The following PLCL1 variants were observed in gnomAD, a reference collection of about 807,000 sequenced individuals.
PLCL1 encodes phospholipase C like 1 (inactive), also known as inactive phospholipase C-like protein 1.
In PLCL1, 41 loss-of-function variants were observed where a neutral mutation model predicts 84.4. The observed-to-expected ratio is 0.49, with a 90% CI of 0.38 to 0.63. The LOEUF is 0.63. PLCL1 is among the 30% of genes least tolerant of loss of function. PLCL1 has a pLI of 0.00. For missense variants in PLCL1, 1,206 were observed against 1,367.8 expected, an observed-to-expected ratio of 0.88 and a Z score of 1.87; for synonymous variants, 490 against 488.3, an observed-to-expected ratio of 1.00 and a Z score of -0.05.
chr2:198,108,064 A>T (rs1049466933), intron 5 of PLCL1, among the ~76,000 whole-genome samples: 15 of 151,962 alleles, frequency 9.9e-5, no homozygotes, highest in Middle Eastern at 3.4e-3. Flanking sequence ...TTTCTATACG[A>T]TTCTTCCTTT....
In PLCL1 at chr2:198,104,072, G is replaced by A. The variant is rs866608569; in HGVS notation, c.3105+136G>A. 21 of 486,176 alleles carry A rather than the reference G, an allele frequency of 4.3e-5. No homozygotes were observed. The Middle Eastern group carries it at 4.5e-3, about 104-fold the overall frequency. The allele number at this position is 486,176 out of a possible 1,614,324, so 30.1% of individuals were successfully genotyped here. On this transcript the variant is annotated intron_variant, in intron 5 of 5. Transcript: ENST00000428675. ...TCACTTTAGATTCAGGGTTACATGT[G>A]CAGGTTTGTTATATAGGTAAACTGT...
intron 1 of PLCL1, among the ~76,000 whole-genome samples, chr2:197,940,678 A>G (rs1689141271): frequency 6.6e-6 from 1 of 152,228 alleles, no homozygotes; most frequent in African/African-American, 2.4e-5. Context: ...TGGACTTAAA[A>G]GAAGCCTGCA....
intron 1 of PLCL1, among the ~76,000 whole-genome samples, chr2:197,862,619 T>A (rs1313863061): frequency 6.6e-6 from 1 of 152,164 alleles, no homozygotes; most frequent in Non-Finnish European, 1.5e-5. Flanking sequence ...TTGGTGCCAG[T>A]CTCAGGCTTG....
chr2:197,900,280 A>G (rs2105735782), intron 1 of PLCL1, among the ~76,000 whole-genome samples: 1 of 152,342 alleles, frequency 6.6e-6, no homozygotes, highest in East Asian at 1.9e-4. Context: ...TTTACAGAGG[A>G]AATATTTTAG....
At chr2:198,013,436 C>T (rs1484238625) in intron 1 of PLCL1, among the ~76,000 whole-genome samples, 2 of 152,014 alleles carry the variant, frequency 1.3e-5, no homozygotes, top group Non-Finnish European at 2.9e-5. Context: ...TTTTGTTTCC[C>T]AGATGAATCC....
intron 1 of PLCL1, among the ~76,000 whole-genome samples, chr2:198,040,033 G>T (rs940310271): frequency 2.6e-5 from 4 of 152,160 alleles, no homozygotes; most frequent in East Asian, 3.8e-4. Flanking sequence ...TGGACATTTT[G>T]TCCGAAGTAG....
At chr2:198,054,857 C>T (rs1172809798) in intron 1 of PLCL1, among the ~76,000 whole-genome samples, 2 of 152,130 alleles carry the variant, frequency 1.3e-5, no homozygotes, top group Non-Finnish European at 2.9e-5. Context: ...TCCACTTCCT[C>T]AATGTACTGG....
chr2:198,053,182 G>A (rs1205865592), intron 1 of PLCL1, among the ~76,000 whole-genome samples: 7 of 152,214 alleles, frequency 4.6e-5, no homozygotes, highest in Non-Finnish European at 7.3e-5. Flanking sequence ...AGAGCTACAT[G>A]TAAGAGTGAA....
chr2:197,822,902 A>C (rs1451892409), intron 1 of PLCL1, among the ~76,000 whole-genome samples: 4 of 152,138 alleles, frequency 2.6e-5, no homozygotes, highest in Non-Finnish European at 4.4e-5. Context: ...TTATATTAAG[A>C]CACTATGCTC....
At position 197,991,132 on chromosome 2, in the gene PLCL1, A is replaced by G. The variant is rs143736333; in HGVS notation, c.241-92626A>G. ...TTCCCTCCTGGTGAAGTCGGGCATC[A>G]TCCAATCCATTGAGGGCCTGAATAG... On this transcript the variant is annotated intron_variant, in intron 1 of 5. Transcript: ENST00000428675. Among the ~76,000 whole-genome samples, 9 of 152,266 alleles carry G rather than the reference A, an allele frequency of 5.9e-5. No individual in the cohort carries two copies. The East Asian group carries it at 1.7e-3, about 29-fold the overall frequency.
chr2:197,960,526 A>C (rs1380038681), intron 1 of PLCL1, among the ~76,000 whole-genome samples: 1 of 152,122 alleles, frequency 6.6e-6, no homozygotes, highest in Non-Finnish European at 1.5e-5. Context: ...ACAAAGGAAC[A>C]AAATGGTGAT....
intron 3 of PLCL1, 119 bp downstream of exon 3, chr2:198,089,180 T>C: frequency 1.3e-6 from 1 of 746,074 alleles, no homozygotes; most frequent in Non-Finnish European, 2.3e-6. Context: ...GAAACATGGA[T>C]TGGAGGTAGC....
At chr2:197,836,673 T>C (rs906700930) in intron 1 of PLCL1, among the ~76,000 whole-genome samples, 1 of 152,262 alleles carries the variant, frequency 6.6e-6, no homozygotes, top group African/African-American at 2.4e-5. Flanking sequence ...CCTATATTGT[T>C]AAGTTACATA....
chr2:197,824,726 A>C lies in PLCL1; in HGVS notation c.240+19387A>C, dbSNP rs530655960. ...GAGACCCTGTCTCAAAAAAAAAAAA[A>C]AAAAAAAAACATGTCTGACTCCTAC... On this transcript the variant is annotated intron_variant, in intron 1 of 5. Transcript: ENST00000428675. Among the ~76,000 whole-genome samples the C allele has an allele frequency of 5.2e-4, 79 of 151,902 alleles. 3 individuals carry two copies. In the East Asian group the frequency reaches 0.014, roughly 27 times the overall value.
chr2:197,972,368 A>G (rs1367210041), intron 1 of PLCL1, among the ~76,000 whole-genome samples: 1 of 152,246 alleles, frequency 6.6e-6, no homozygotes, highest in African/African-American at 2.4e-5. Context: ...AGAGGAAAGG[A>G]AAAACAAAGT....
intron 1 of PLCL1, among the ~76,000 whole-genome samples, chr2:197,817,887 T>A (rs948861351): frequency 8.5e-5 from 13 of 152,148 alleles, no homozygotes; most frequent in African/African-American, 2.7e-4. Flanking sequence ...TTATTTATTT[T>A]TTTTAATTTT....
chr2:198,038,844 C>CAAAAAAAA (rs11299150), intron 1 of PLCL1, among the ~76,000 whole-genome samples: 8 of 120,402 alleles, frequency 6.6e-5, no homozygotes, highest in Non-Finnish European at 6.9e-5. Context: ...CATTAAAGGT[C>CAAAAAAAA]AAAAAAAAAA....
chr2:198,038,430 A>G (rs993305629), intron 1 of PLCL1, among the ~76,000 whole-genome samples: 1 of 152,114 alleles, frequency 6.6e-6, no homozygotes, highest in Non-Finnish European at 1.5e-5. Flanking sequence ...AGTGGTCCAT[A>G]TATATATACA....
chr2:197,925,714 T>G (rs1483871349), intron 1 of PLCL1, among the ~76,000 whole-genome samples: 1 of 152,072 alleles, frequency 6.6e-6, no homozygotes, highest in Non-Finnish European at 1.5e-5. Flanking sequence ...CTACAACTTT[T>G]CTCCATGCAC....
Sources: gnomAD v4.1 joint callset for allele counts (sites outside exome capture counted in the v4.1 genomes callset) on GRCh38, gnomAD v4.1.1 for gene constraint, MANE v1.5 for transcripts, NCBI Gene and HGNC (gene_info 2026-07-23, HGNC 2026-07-21) for gene names.